CD2AP: variants seen among roughly 807,000 people sequenced by gnomAD.
The protein encoded by CD2AP is CD2 associated protein.
Under a neutral mutation model 85.1 loss-of-function variants are expected in CD2AP, and 46 were observed. The observed-to-expected ratio is 0.54, with a 90% CI of 0.43 to 0.69. The LOEUF (loss-of-function observed/expected upper bound fraction) is 0.69, where lower values mean the gene tolerates loss of function less well. Ranked by LOEUF, CD2AP falls within the 30% of genes least tolerant of loss-of-function variation. The pLI, the probability that CD2AP is intolerant of heterozygous loss-of-function variation, is 0.00. For missense variants in CD2AP, 769 were observed against 729.5 expected (o/e 1.05, Z -0.62); for synonymous variants, 255 against 252.9 (o/e 1.01, Z -0.08).
chr6:47,523,812 AAC>A (rs1465181574), intron 2 of CD2AP, among the ~76,000 whole-genome samples: 1 of 152,196 alleles, frequency 6.6e-6, no homozygotes, highest in Non-Finnish European at 1.5e-5. Context: ...AATGTGACAT[AAC>A]ACTGTTATTT....
intron 2 of CD2AP, among the ~76,000 whole-genome samples, chr6:47,514,254 T>C (rs1766394854): frequency 6.6e-6 from 1 of 152,238 alleles, no homozygotes; most frequent in South Asian, 2.1e-4. Flanking sequence ...CTTGGAAAGA[T>C]ATGAATAGTC....
chr6:47,567,474 C>A (rs923441395), intron 5 of CD2AP, among the ~76,000 whole-genome samples: 1 of 152,016 alleles, frequency 6.6e-6, no homozygotes, highest in Non-Finnish European at 1.5e-5. Flanking sequence ...CATGATTTAC[C>A]CCCCTTGTTT....
intron 16 of CD2AP, 68 bp from the exon 17 acceptor site, chr6:47,612,405 C>T (rs1244058270): frequency 8.8e-7 from 1 of 1,134,516 alleles, no homozygotes. Context: ...TAACAAAAAG[C>T]CTGTAAACAT....
chr6:47,600,741 T>G (rs1159176325), intron 13 of CD2AP, among the ~76,000 whole-genome samples: 3 of 151,978 alleles, frequency 2.0e-5, no homozygotes, highest in Admixed American at 6.6e-5. Flanking sequence ...TTTATTGAGC[T>G]TATCAGTAAA....
intron 11 of CD2AP, among the ~76,000 whole-genome samples, chr6:47,587,405 C>G (rs1582594247): frequency 6.7e-6 from 1 of 149,174 alleles, no homozygotes; most frequent in Non-Finnish European, 1.5e-5. Flanking sequence ...GATATTTTCT[C>G]AAATGTTTAG....
At chr6:47,604,762 C>T (rs894987408) in intron 13 of CD2AP, among the ~76,000 whole-genome samples, 2 of 151,810 alleles carry the variant, frequency 1.3e-5, no homozygotes, top group Non-Finnish European at 2.9e-5. Flanking sequence ...TTTTCATTGT[C>T]ATTTATTATT....
chr6:47,586,813 A>C (rs1439734516), intron 11 of CD2AP, among the ~76,000 whole-genome samples: 1 of 152,232 alleles, frequency 6.6e-6, no homozygotes, highest in Non-Finnish European at 1.5e-5. Flanking sequence ...AAATCTCACA[A>C]GAACTGTTCA....
intron 2 of CD2AP, among the ~76,000 whole-genome samples, chr6:47,503,710 A>G (rs1766057847): frequency 6.6e-6 from 1 of 152,276 alleles, no homozygotes; most frequent in African/African-American, 2.4e-5. Context: ...AAAATAAATA[A>G]TAGTTTTCAT....
At chr6:47,574,011 C>G in intron 5 of CD2AP, 53 bp from the exon 6 acceptor site, 1 of 1,463,320 alleles carries the variant, frequency 6.8e-7, no homozygotes, top group Non-Finnish European at 9.6e-7. Flanking sequence ...GACAGGATGT[C>G]AAGCGTTTTG....
chr6:47,503,197 T>G, intron 1 of CD2AP, 83 bp from the exon 2 acceptor site: 2 of 1,260,530 alleles, frequency 1.6e-6, no homozygotes, highest in South Asian at 1.3e-5. Context: ...CTAAACAGAT[T>G]CCTTAGTTTT....
intron 3 of CD2AP, among the ~76,000 whole-genome samples, chr6:47,543,148 C>CAAAAAAAAAAAAAAAAAAAA (rs11338409): frequency 8.3e-5 from 5 of 60,334 alleles, no homozygotes; most frequent in Admixed American, 2.4e-4. Context: ...AAGACTGTCT[C>CAAAAAAAAAAAAAAAAAAAA]AAAAAAAAAA....
In CD2AP at chr6:47,477,892, T is replaced by A. The variant is rs964201009; in HGVS notation, c.-353T>A. The A allele has an allele frequency of 1.0e-4, 39 of 382,428 alleles. No homozygotes were observed. The highest frequency in any genetic ancestry group is 1.4e-4 in the Non-Finnish European group (30 of 211,246). The allele number at this position is 382,428 out of a possible 1,614,324, so 23.7% of individuals were successfully genotyped here. A position where few individuals can be genotyped will look rare whatever the true frequency, so the allele number is the denominator to read the frequency against. On this transcript the variant is annotated 5_prime_UTR_variant, in exon 1 of 18. It adds an upstream start codon to the 5' untranslated region. Coordinates refer to ENST00000359314, the MANE Select transcript of CD2AP (RefSeq NM_012120.3). Reference sequence around the variant, plus strand: ...TCCGAGGCTAGGCGGGCGCTCGGGGTTGGAGCCGAGGGTCTGGGCAAACCG... The same window carrying A: ...TCCGAGGCTAGGCGGGCGCTCGGGGATGGAGCCGAGGGTCTGGGCAAACCG...
chr6:47,544,513 A>T (rs1767315126), intron 3 of CD2AP, 93 bp from the exon 4 acceptor site: 7 of 821,196 alleles, frequency 8.5e-6, no homozygotes, highest in South Asian at 7.3e-5. Context: ...TTATTTATTT[A>T]TATAAGTCCT....
At chr6:47,482,935 G>A (rs780111596) in intron 1 of CD2AP, among the ~76,000 whole-genome samples, 12 of 152,178 alleles carry the variant, frequency 7.9e-5, no homozygotes, top group African/African-American at 1.2e-4. Context: ...AGAGAAAGAA[G>A]TATAATGATT....
chr6:47,502,444 G>A (rs1245841280), intron 1 of CD2AP, among the ~76,000 whole-genome samples: 1 of 150,746 alleles, frequency 6.6e-6, no homozygotes, highest in African/African-American at 2.4e-5. Flanking sequence ...TTGCGTTTTT[G>A]TAGAGACGGG....
chr6:47,480,681 C>T (rs368257499), intron 1 of CD2AP, among the ~76,000 whole-genome samples: 5 of 152,066 alleles, frequency 3.3e-5, no homozygotes, highest in African/African-American at 7.2e-5. Context: ...CCAGTGCTGG[C>T]GGTGGTGATT....
rs200257141 is a variant in CD2AP, at chr6:47,547,870, GA to G, written c.420+3165del. Among the ~76,000 whole-genome samples, 1,399 of 152,042 alleles carry G rather than the reference GA, an allele frequency of 9.2e-3. 7 individuals are homozygous for G. Among genetic ancestry groups the G allele is most frequent in the Non-Finnish European group, 0.013 (859 of 67,928 alleles). Reference sequence around the variant, plus strand: ...TAAAACTGGAAATCAACTCCAAAAGGAGCCTTGAAAACCATGCAAATACGTG... The same window carrying G: ...TAAAACTGGAAATCAACTCCAAAAGGGCCTTGAAAACCATGCAAATACGTG... On this transcript the variant is annotated intron_variant, in intron 4 of 17. Transcript: ENST00000359314.
chr6:47,610,971 A>ATATATATATTTTTTTTT, intron 16 of CD2AP, among the ~76,000 whole-genome samples: 1 of 112,908 alleles, frequency 8.9e-6, no homozygotes, highest in African/African-American at 3.6e-5. Flanking sequence ...ATATATATGT[A>ATATATATATTTTTTTTT]TTTTTTTTTT....
At chr6:47,480,865 CAT>C (rs1765425022) in intron 1 of CD2AP, among the ~76,000 whole-genome samples, 1 of 152,194 alleles carries the variant, frequency 6.6e-6, no homozygotes, top group South Asian at 2.1e-4. Flanking sequence ...ACAGAAACCA[CAT>C]AGATACTTTT....
Sources: allele counts gnomAD v4.1 joint callset (sites outside exome capture counted in the v4.1 genomes callset), GRCh38; gene constraint gnomAD v4.1.1; transcripts MANE v1.5; gene names NCBI Gene and HGNC (gene_info 2026-07-23, HGNC 2026-07-21).